Variants in METTL13 observed in about 807,000 individuals in gnomAD.
METTL13 encodes eEF1A lysine and N-terminal methyltransferase.
In METTL13, 52 loss-of-function variants were observed where a neutral mutation model predicts 67.4. That is an observed-to-expected ratio of 0.77 (90% CI 0.62 to 0.97). The LOEUF (loss-of-function observed/expected upper bound fraction) is 0.97. METTL13 is among the 50% of genes least tolerant of loss of function. The pLI, the probability that METTL13 is intolerant of heterozygous loss-of-function variation, is 0.00. For synonymous variants in METTL13, 354 were observed against 353.6 expected (o/e 1.00, Z -0.01); for missense variants, 825 against 889.6 (o/e 0.93, Z 0.92).
rs1042608219 is a variant in METTL13 at position 171,791,938 on chromosome 1, C to T, written c.1475-79C>T. On this transcript the variant is annotated intron_variant, in intron 5 of 7. Coordinates refer to ENST00000361735, the MANE Select transcript of METTL13 (RefSeq NM_015935.5). The stretch of plus-strand genomic sequence containing the variant: ...TGAATGGAGACAGTGAGCTGACTTT[C>T]CCTTTTGCCTTCCCTGAGGCTGGTA... The T allele has an allele frequency of 8.9e-6, 13 of 1,458,836 alleles. No individual in the cohort carries two copies. In the East Asian group the frequency reaches 2.3e-4, roughly 25 times the overall value. The allele number at this position is 1,458,836 out of a possible 1,614,324, so 90.4% of individuals were successfully genotyped here.
chr1:171,791,328 C>T lies in METTL13; in HGVS notation c.1475-689C>T, dbSNP rs557331480. ...TGATTTGTGGAACTTGAATGGCTTA[C>T]CCTTACTTGGTGAGGGTGTCTGAGA... On this transcript the variant is annotated intron_variant, in intron 5 of 7. Transcript: ENST00000361735. 5.9e-5 allele frequency among the ~76,000 whole-genome samples: 9 copies of T among 152,258 alleles called. No individual in the cohort carries two copies. In the South Asian group the frequency reaches 1.5e-3, roughly 25 times the overall value.
At chr1:171,789,597 T>TA (rs1180284929) in intron 4 of METTL13, among the ~76,000 whole-genome samples, 2 of 152,156 alleles carry the variant, frequency 1.3e-5, no homozygotes, top group East Asian at 3.8e-4. Context: ...TTAGAAGAGC[T>TA]AAAAAAATAA....
At position 171,790,646 on chromosome 1, in the gene METTL13, A is replaced by G. The variant is rs757691480; in HGVS notation, c.1474+30A>G. Reference sequence around the variant, plus strand: ...GAGAGATGCCACTGCCTTCCACAGAAGGGAGCATAAAGATTACAGACCTAA... The same window carrying G: ...GAGAGATGCCACTGCCTTCCACAGAGGGGAGCATAAAGATTACAGACCTAA... On this transcript the variant is annotated intron_variant, in intron 5 of 7. Coordinates refer to ENST00000361735, the MANE Select transcript of METTL13 (RefSeq NM_015935.5). The G allele has an allele frequency of 4.7e-6, 7 of 1,481,922 alleles. No homozygotes were observed. In the African/African-American group the frequency reaches 1.0e-4, roughly 21 times the overall value. 91.8% of individuals were successfully genotyped at this position (1,481,922 alleles called of 1,614,324 possible).
chr1:171,787,374 T>C (rs1003746699), intron 3 of METTL13, among the ~76,000 whole-genome samples: 12 of 151,484 alleles, frequency 7.9e-5, no homozygotes, highest in African/African-American at 2.9e-4. Context: ...AGATTCCTTC[T>C]CATAATCACA....
rs1476750167 is a variant in METTL13, at chr1:171,790,576, C to T, written c.1434C>T (p.Ile478=). ...YLCCEHHKAM[I]AGLALLRNPE... is the part of the protein sequence containing the mutation. ...GTTGTGAACACCACAAAGCCATGAT[C>T]GCTGGCCTTGCCCTGCTGAGAAACC... Residue 478 remains isoleucine, a synonymous_variant, in exon 5 of 8, where the codon ATC becomes ATT. Coordinates refer to ENST00000361735, the MANE Select transcript of METTL13 (RefSeq NM_015935.5). The T allele has an allele frequency of 9.4e-6, 15 of 1,598,684 alleles. No individual in the cohort carries two copies. Among genetic ancestry groups the T allele is most frequent in the East Asian group, 2.3e-5 (1 of 43,658 alleles).
chr1:171,783,087 C>T lies in METTL13; in HGVS notation c.154-653C>T, dbSNP rs1364827235. Among the ~76,000 whole-genome samples the T allele has an allele frequency of 2.8e-5, 4 of 142,194 alleles. No homozygotes were observed. In the East Asian group the frequency reaches 8.5e-4, roughly 30 times the overall value. 93.3% of individuals were successfully genotyped at this position (142,194 alleles called of 152,430 possible). ...TTTTTTTTTTTTTTTTGCCCAAGATCATGTCCAGGTGGTCATGTGGGGATT... is the reference window on the plus strand; with the variant it reads ...TTTTTTTTTTTTTTTTGCCCAAGATTATGTCCAGGTGGTCATGTGGGGATT... On this transcript the variant is annotated intron_variant, in intron 1 of 7. Transcript: ENST00000361735.
At chr1:171,786,729 C>T (rs1296425584) in intron 3 of METTL13, among the ~76,000 whole-genome samples, 1 of 152,144 alleles carries the variant, frequency 6.6e-6, no homozygotes, top group African/African-American at 2.4e-5. Context: ...GGTGTGATCA[C>T]GGCTCACTGC....
chr1:171,796,106 A>G lies in METTL13; in HGVS notation c.1826-376A>G, dbSNP rs368096716. Among the ~76,000 whole-genome samples, 7 of 152,154 alleles carry G rather than the reference A, an allele frequency of 4.6e-5. 1 individual carries two copies. Among genetic ancestry groups the G allele is most frequent in the Non-Finnish European group, 1.5e-5 (1 of 67,978 alleles). ...GGTCTCAAACTCCTGACTTCGAGTG[A>G]TCCGCCTGCCTCAGCCTCCCAAAGT... On this transcript the variant is annotated intron_variant, in intron 7 of 7. Transcript: ENST00000361735.
intron 6 of METTL13, among the ~76,000 whole-genome samples, chr1:171,792,918 G>A (rs1307803274): frequency 6.6e-6 from 1 of 152,152 alleles, no homozygotes; most frequent in Non-Finnish European, 1.5e-5. Flanking sequence ...TAGAATTAAG[G>A]TTCCATTTGC....
intron 6 of METTL13, among the ~76,000 whole-genome samples, chr1:171,793,825 T>C (rs1657281031): frequency 6.6e-6 from 1 of 152,210 alleles, no homozygotes; most frequent in African/African-American, 2.4e-5. Flanking sequence ...TGAGGCAAAA[T>C]GTGCTGTTTT....
rs1252025264 is a variant in METTL13, at chr1:171,787,939, T to C, written c.1309+9T>C. 6.2e-7 allele frequency: 1 copy of C among 1,612,426 alleles called. No homozygotes were observed. The highest frequency in any genetic ancestry group is 8.5e-7 in the Non-Finnish European group (1 of 1,179,612). On this transcript the variant is annotated intron_variant, in intron 4 of 7. Coordinates refer to ENST00000361735, the MANE Select transcript of METTL13 (RefSeq NM_015935.5). ...GGATGTGTCTCACAAAGGTGAGGTG[T>C]CATAGGCACAGTGGTGGGACCCAAG...
In METTL13 at chr1:171,792,246, T is replaced by G; in HGVS notation, c.1693+11T>G. The G allele has an allele frequency of 6.2e-7, 1 of 1,614,036 alleles. No individual in the cohort carries two copies. Among genetic ancestry groups the G allele is most frequent in the South Asian group, 1.1e-5 (1 of 91,062 alleles). On this transcript the variant is annotated intron_variant, in intron 6 of 7. Coordinates refer to ENST00000361735, the MANE Select transcript of METTL13 (RefSeq NM_015935.5). The stretch of plus-strand genomic sequence containing the variant: ...CAGGAGGAGGAGAAGGTACTGCTCT[T>G]GGAGCATTTGAAGGGGTGTTGAGGG...
Position 171,794,416 on chromosome 1 carries a change from A to G in METTL13, c.1714A>G (p.Ile572Val). ...CCCAGCACGGCCTTGCTACGATGTC[A>G]TAATGTTTGATGTTGACAGTAAGGA... ...GGEARPCYDVIMFDVDSKDPT... is the reference protein window; with the variant it reads ...GGEARPCYDVVMFDVDSKDPT... Residue 572 changes from isoleucine (I) to valine (V), a missense_variant, in exon 7 of 8, where the codon ATA becomes GTA. Physicochemically the swap from Ile to Val is conservative, Grantham distance 29 (BLOSUM62 3). Coordinates refer to ENST00000361735, the MANE Select transcript of METTL13 (RefSeq NM_015935.5). 1.9e-6 allele frequency: 3 copies of G among 1,614,196 alleles called. No individual in the cohort carries two copies. Among genetic ancestry groups the G allele is most frequent in the Non-Finnish European group, 2.5e-6 (3 of 1,180,032 alleles).
rs1657299220 is a variant in METTL13, at chr1:171,794,406, C to G, written c.1704C>G (p.Cys568Trp). Residue 568 changes from cysteine (C) to tryptophan (W), a missense_variant, in exon 7 of 8, where the codon TGC becomes TGG. Transcript: ENST00000361735. ...CCTTCTTTTTCCCAGCACGGCCTTG[C>G]TACGATGTCATAATGTTTGATGTTG... ...SLAGGGEARP[C>W]YDVIMFDVDS... 1.2e-6 allele frequency: 2 copies of G among 1,614,048 alleles called. No homozygotes were observed. The highest frequency in any genetic ancestry group is 1.7e-6 in the Non-Finnish European group (2 of 1,180,020).
At chr1:171,793,364 A>G (rs951417551) in intron 6 of METTL13, among the ~76,000 whole-genome samples, 1 of 152,256 alleles carries the variant, frequency 6.6e-6, no homozygotes, top group Non-Finnish European at 1.5e-5. Context: ...TACTTAATCC[A>G]TGATGTTACT....
In METTL13 at chr1:171,784,322, G is replaced by C; in HGVS notation, c.736G>C (p.Val246Leu). Residue 246 changes from valine to leucine, a missense_variant, in exon 2 of 8, where the codon GTG becomes CTG. Physicochemically the swap from Val to Leu is conservative, Grantham distance 32. Coordinates refer to ENST00000361735, the MANE Select transcript of METTL13 (RefSeq NM_015935.5). ...LESAERLAEA[V>L]QERQQYAWLC... ...GAGTGCCGAGCGGCTGGCCGAGGCG[G>C]TGCAGGAGCGACAGCAGTATGCCTG... 1 of 1,598,286 alleles carries C rather than the reference G, an allele frequency of 6.3e-7. No individual in the cohort carries two copies. Among genetic ancestry groups the C allele is most frequent in the African/African-American group, 1.3e-5 (1 of 74,812 alleles).
intron 4 of METTL13, among the ~76,000 whole-genome samples, chr1:171,789,715 G>C (rs1192300532): frequency 6.6e-6 from 1 of 152,142 alleles, no homozygotes; most frequent in Non-Finnish European, 1.5e-5. Context: ...ACATTTCTTA[G>C]ACGGGAGGTA....
rs372467785 is a variant in METTL13, at chr1:171,783,903, C to T, written c.317C>T (p.Thr106Met). 143 of 1,614,088 alleles carry T rather than the reference C, an allele frequency of 8.9e-5. No individual in the cohort carries two copies. Among genetic ancestry groups the T allele is most frequent in the South Asian group, 2.5e-4 (23 of 91,084 alleles). ...ATGAGCTTCTTGAAGATGGACATGA[C>T]GCAGATGGAGTTTCCTGATGCCTCG... ...PQMSFLKMDMTQMEFPDASFQ... is the reference protein window; with the variant it reads ...PQMSFLKMDMMQMEFPDASFQ... Residue 106 changes from threonine to methionine, a missense_variant, in exon 2 of 8, where the codon ACG becomes ATG. Coordinates refer to ENST00000361735, the MANE Select transcript of METTL13 (RefSeq NM_015935.5).
chr1:171,791,968 A>G, intron 5 of METTL13, 49 bp from the exon 6 acceptor site: 1 of 1,602,408 alleles, frequency 6.2e-7, no homozygotes, highest in Non-Finnish European at 8.5e-7. Flanking sequence ...CTGGTACAGA[A>G]TTTTCCAGTG....
Sources: gnomAD v4.1 joint callset for allele counts (sites outside exome capture counted in the v4.1 genomes callset) on GRCh38, gnomAD v4.1.1 for gene constraint, MANE v1.5 for transcripts, NCBI Gene and HGNC (gene_info 2026-07-23, HGNC 2026-07-21) for gene names.